The following DIAPH1 variants were observed in gnomAD, a reference collection of about 807,000 sequenced individuals.
DIAPH1 encodes the protein protein diaphanous homolog 1.
A neutral mutation model predicts 140.7 loss-of-function variants in DIAPH1; 46 were observed. The ratio of observed to expected loss-of-function variants is 0.33; its 90% CI spans 0.26 to 0.42. The LOEUF (loss-of-function observed/expected upper bound fraction) is 0.42, where lower values mean the gene tolerates loss of function less well. DIAPH1 is among the 10% of genes least tolerant of loss of function. DIAPH1 has a pLI of 1.00. For synonymous variants in DIAPH1, 565 were observed against 551.6 expected (o/e 1.02, Z -0.34); for missense variants, 1,310 against 1,558.7 (o/e 0.84, Z 2.69).
At chr5:141,557,720 C>CT (rs2099892850) in intron 18 of DIAPH1, 1 of 152,232 alleles carries the variant, frequency 6.6e-6, no homozygotes, top group Non-Finnish European at 1.5e-5. Context: ...CACTCTGTCA[C>CT]TGTTAGTAGG....
chr5:141,515,165 C>G lies in DIAPH1; in HGVS notation c.*1686G>C, dbSNP rs2099885486. The G allele has an allele frequency of 6.6e-6, 1 of 152,400 alleles. No homozygotes were observed. Among genetic ancestry groups the G allele is most frequent in the Admixed American group, 6.6e-5 (1 of 15,266 alleles). 9.4% of individuals were successfully genotyped at this position (152,400 alleles called of 1,614,324 possible). On this transcript the variant is annotated 3_prime_UTR_variant, in exon 28 of 28. Transcript: ENST00000389054. Reference sequence around the variant, plus strand: ...TCTCTCTCTTTTTTTTTATTAAATGCATCTTAGCAAAAGTAGATTAAAAAA... The same window carrying G: ...TCTCTCTCTTTTTTTTTATTAAATGGATCTTAGCAAAAGTAGATTAAAAAA...
chr5:141,596,746 C>T (rs934749782), intron 1 of DIAPH1, among the ~76,000 whole-genome samples: 3 of 152,158 alleles, frequency 2.0e-5, no homozygotes, highest in African/African-American at 7.2e-5. Context: ...GCTTTCAAAT[C>T]CTACCCACGC....
chr5:141,548,588 G>A (rs1243562073), intron 18 of DIAPH1, among the ~76,000 whole-genome samples: 1 of 152,118 alleles, frequency 6.6e-6, no homozygotes, highest in African/African-American at 2.4e-5. Flanking sequence ...ACATAACAGA[G>A]CTAAAATGTT....
intron 6 of DIAPH1, among the ~76,000 whole-genome samples, 161 bp from the exon 7 acceptor site, chr5:141,582,536 C>T (rs2099896930): frequency 6.6e-6 from 1 of 152,198 alleles, no homozygotes; most frequent in Non-Finnish European, 1.5e-5. Flanking sequence ...AAATAGATAA[C>T]TGAAGAGGGA....
chr5:141,526,921 T>C (rs2099887420), intron 24 of DIAPH1, among the ~76,000 whole-genome samples: 1 of 152,114 alleles, frequency 6.6e-6, no homozygotes, highest in Non-Finnish European at 1.5e-5. Flanking sequence ...ATGGTCTCCA[T>C]CTCTTGACCT....
intron 16 of DIAPH1, among the ~76,000 whole-genome samples, chr5:141,572,767 CAA>C (rs34465200): frequency 0.015 from 1,973 of 132,362 alleles, 40 homozygotes; most frequent in African/African-American, 0.046. Context: ...GACTCCAACT[CAA>C]AAAAAAAAAA....
At chr5:141,552,037 A>T (rs893354499) in intron 18 of DIAPH1, among the ~76,000 whole-genome samples, 2 of 152,232 alleles carry the variant, frequency 1.3e-5, no homozygotes, top group Non-Finnish European at 2.9e-5. Context: ...GGTCCTCCAA[A>T]GATGTCCACA....
intron 26 of DIAPH1, among the ~76,000 whole-genome samples, chr5:141,525,620 T>G (rs959659035): frequency 5.9e-5 from 9 of 151,830 alleles, no homozygotes; most frequent in African/African-American, 2.2e-4. Flanking sequence ...TAGTACTTTG[T>G]GAAATAAGCA....
chr5:141,594,158 G>T (rs1049762114), intron 1 of DIAPH1, among the ~76,000 whole-genome samples: 1 of 152,206 alleles, frequency 6.6e-6, no homozygotes, highest in South Asian at 2.1e-4. Flanking sequence ...CTTTCGAAGA[G>T]TTTCACAGTT....
chr5:141,530,710 G>A (rs576497175), intron 19 of DIAPH1, among the ~76,000 whole-genome samples: 42 of 152,252 alleles, frequency 2.8e-4, no homozygotes, highest in Admixed American at 6.5e-4. Context: ...CAAATTACTT[G>A]CTCAGCTTTC....
intron 6 of DIAPH1, among the ~76,000 whole-genome samples, chr5:141,582,713 G>T (rs1054385008): frequency 6.6e-6 from 1 of 152,188 alleles, no homozygotes; most frequent in African/African-American, 2.4e-5. Flanking sequence ...AGTCTGAGAA[G>T]ATATATGTAG....
chr5:141,585,655 C>T (rs1380452470), intron 3 of DIAPH1, among the ~76,000 whole-genome samples: 1 of 152,072 alleles, frequency 6.6e-6, no homozygotes, highest in East Asian at 1.9e-4. Context: ...CAAAAATTAG[C>T]CGGGCATGGT....
intron 26 of DIAPH1, 63 bp downstream of exon 26, chr5:141,525,975 T>G: frequency 2.5e-6 from 4 of 1,609,952 alleles, no homozygotes; most frequent in Non-Finnish European, 3.4e-6. Context: ...GCCTCTAGAC[T>G]CTAGGCAGAG....
At chr5:141,614,329 A>G (rs1333700563) in intron 1 of DIAPH1, among the ~76,000 whole-genome samples, 1 of 152,192 alleles carries the variant, frequency 6.6e-6, no homozygotes, top group African/African-American at 2.4e-5. Flanking sequence ...TATCTTTTAA[A>G]TCTCTATTAC....
chr5:141,576,108 A>G lies in DIAPH1; in HGVS notation c.1461+122T>C. ...ACTGGAAAGGTTTCCCCTGGGAACTACACTATTGGGTGCTAAACGCTTCCA... is the reference window on the plus strand; with the variant it reads ...ACTGGAAAGGTTTCCCCTGGGAACTGCACTATTGGGTGCTAAACGCTTCCA... On this transcript the variant is annotated intron_variant, in intron 14 of 27. Coordinates refer to ENST00000389054, the MANE Select transcript of DIAPH1 (RefSeq NM_005219.5). The G allele has an allele frequency of 7.3e-6, 6 of 824,558 alleles. No individual in the cohort carries two copies. The South Asian group carries it at 8.5e-5, about 12-fold the overall frequency. 51.1% of individuals were successfully genotyped at this position (824,558 alleles called of 1,614,324 possible). A position where few individuals can be genotyped will look rare whatever the true frequency, so the allele number is the denominator to read the frequency against.
intron 27 of DIAPH1, among the ~76,000 whole-genome samples, chr5:141,520,816 G>T (rs1326201833): frequency 6.6e-6 from 1 of 152,174 alleles, no homozygotes; most frequent in Non-Finnish European, 1.5e-5. Context: ...AGGCTGAGGG[G>T]AAACAGGCCT....
chr5:141,544,324 T>C (rs965275608), intron 18 of DIAPH1, among the ~76,000 whole-genome samples: 1 of 151,110 alleles, frequency 6.6e-6, no homozygotes, highest in Admixed American at 6.6e-5. Context: ...AAAATAAAAA[T>C]AAAAATAAAG....
chr5:141,515,352 G>A lies in DIAPH1; in HGVS notation c.*1499C>T, dbSNP rs2099885527. On this transcript the variant is annotated 3_prime_UTR_variant, in exon 28 of 28. Transcript: ENST00000389054. ...CAAAACCCTCCCTCCTGGCAATAAGGCCTCACTATAGTTGCCCTCATGCTT... is the reference window on the plus strand; with the variant it reads ...CAAAACCCTCCCTCCTGGCAATAAGACCTCACTATAGTTGCCCTCATGCTT... 1 of 152,174 alleles carries A rather than the reference G, an allele frequency of 6.6e-6. No individual in the cohort carries two copies. Among genetic ancestry groups the A allele is most frequent in the African/African-American group, 2.4e-5 (1 of 41,412 alleles). The allele number at this position is 152,174 out of a possible 1,614,324, so 9.4% of individuals were successfully genotyped here.
At chr5:141,546,227 C>T (rs184516025) in intron 18 of DIAPH1, among the ~76,000 whole-genome samples, 1 of 152,066 alleles carries the variant, frequency 6.6e-6, no homozygotes, top group East Asian at 1.9e-4. Flanking sequence ...ACTAAAACTA[C>T]AAAAATTAGC....
Sources: gnomAD v4.1 joint callset for allele counts (sites outside exome capture counted in the v4.1 genomes callset) on GRCh38, gnomAD v4.1.1 for gene constraint, MANE v1.5 for transcripts, NCBI Gene and HGNC (gene_info 2026-07-23, HGNC 2026-07-21) for gene names.